Variants in MAP2K1 observed in about 807,000 individuals in gnomAD.
The protein encoded by MAP2K1 is mitogen-activated protein kinase kinase 1, also known as dual specificity mitogen-activated protein kinase kinase 1.
Under a neutral mutation model 46.3 loss-of-function variants are expected in MAP2K1, and 16 were observed. That is an observed-to-expected ratio of 0.35 (90% CI 0.23 to 0.52). The LOEUF (loss-of-function observed/expected upper bound fraction) is 0.52. MAP2K1 is among the 20% of genes least tolerant of loss of function. The pLI is 0.94. For synonymous variants in MAP2K1, 183 were observed against 185.6 expected, an observed-to-expected ratio of 0.99 and a Z score of 0.11; for missense variants, 263 against 497.1, an observed-to-expected ratio of 0.53 and a Z score of 4.48.
chr15:66,402,493 A>G (rs1319598445), intron 1 of MAP2K1, among the ~76,000 whole-genome samples: 1 of 152,062 alleles, frequency 6.6e-6, no homozygotes, highest in Non-Finnish European at 1.5e-5. Flanking sequence ...AGTCATATAT[A>G]TTTTTTAATT....
intron 1 of MAP2K1, among the ~76,000 whole-genome samples, chr15:66,432,809 T>A (rs999178256): frequency 1.3e-5 from 2 of 152,214 alleles, no homozygotes; most frequent in African/African-American, 4.8e-5. Context: ...TTAGTTCACC[T>A]GTCTGTGCTT....
At chr15:66,421,883 C>CTTT (rs35469194) in intron 1 of MAP2K1, among the ~76,000 whole-genome samples, 8 of 143,166 alleles carry the variant, frequency 5.6e-5, no homozygotes, top group African/African-American at 1.8e-4. Flanking sequence ...CCCTCTTTCT[C>CTTT]TTTTTTTTTT....
At chr15:66,479,889 T>A (rs933893218) in intron 5 of MAP2K1, among the ~76,000 whole-genome samples, 3 of 151,914 alleles carry the variant, frequency 2.0e-5, no homozygotes, top group Non-Finnish European at 2.9e-5. Context: ...GTCATGATTT[T>A]TTTTTATTAT....
At chr15:66,466,785 A>G (rs1039559674) in intron 5 of MAP2K1, among the ~76,000 whole-genome samples, 10 of 152,224 alleles carry the variant, frequency 6.6e-5, no homozygotes, top group African/African-American at 1.2e-4. Context: ...AAAAAAATAA[A>G]AAAGATTACT....
At chr15:66,420,042 G>A (rs10468037) in intron 1 of MAP2K1, among the ~76,000 whole-genome samples, 14,800 of 151,212 alleles carry the variant, frequency 0.098, 728 homozygotes, top group African/African-American at 0.13. Flanking sequence ...TCAGGAGTTC[G>A]AGACCACCCT....
intron 5 of MAP2K1, chr15:66,444,979 C>G: frequency 2.1e-6 from 1 of 479,996 alleles, no homozygotes; most frequent in East Asian, 3.9e-5. Flanking sequence ...ACTTAGTTAC[C>G]CAGTCTCCGG....
intron 1 of MAP2K1, among the ~76,000 whole-genome samples, chr15:66,412,023 T>TA (rs1213511796): frequency 1.2e-4 from 18 of 152,182 alleles, no homozygotes; most frequent in African/African-American, 4.3e-4. Flanking sequence ...TCCTTTTTGT[T>TA]AAGAATATAG....
At chr15:66,488,043 C>T (rs1170990340) in intron 8 of MAP2K1, among the ~76,000 whole-genome samples, 2 of 152,104 alleles carry the variant, frequency 1.3e-5, no homozygotes, top group African/African-American at 4.8e-5. Flanking sequence ...CCTTCCCACC[C>T]AGTGCTCTTT....
intron 5 of MAP2K1, among the ~76,000 whole-genome samples, chr15:66,452,039 A>C (rs60602008): frequency 1.1e-3 from 74 of 65,986 alleles, no homozygotes; most frequent in African/African-American, 4.0e-3. Flanking sequence ...TCGCAAGAAC[A>C]AAAAACCAAA....
chr15:66,488,342 C>T (rs190964080), intron 8 of MAP2K1, among the ~76,000 whole-genome samples: 76 of 152,308 alleles, frequency 5.0e-4, no homozygotes, highest in Non-Finnish European at 9.3e-4. Flanking sequence ...TGACATGGCC[C>T]TCAAAGGAAG....
At chr15:66,404,615 G>A (rs1341189652) in intron 1 of MAP2K1, among the ~76,000 whole-genome samples, 1 of 152,154 alleles carries the variant, frequency 6.6e-6, no homozygotes, top group African/African-American at 2.4e-5. Flanking sequence ...AAAGGAAGGC[G>A]TAACATTTAT....
rs750947705 is a variant in MAP2K1 at position 66,483,748 on chromosome 15, C to CTTTTTTTTT, written c.694-1233_694-1225dup. Among the ~76,000 whole-genome samples the CTTTTTTTTT allele has an allele frequency of 1.6e-4, 21 of 131,104 alleles. 2 individuals are homozygous for CTTTTTTTTT. Among genetic ancestry groups the CTTTTTTTTT allele is most frequent in the South Asian group, 2.5e-4 (1 of 4,038 alleles). 86.0% of individuals were successfully genotyped at this position (131,104 alleles called of 152,430 possible). On this transcript the variant is annotated intron_variant, in intron 6 of 10. Transcript: ENST00000307102. Reference sequence around the variant, plus strand: ...TTTTACAACATTTGACATACATTTTCTTTTTTTTTTTTTTTTTGAGACGGA... The same window carrying CTTTTTTTTT: ...TTTTACAACATTTGACATACATTTTCTTTTTTTTTTTTTTTTTTTTTTTTTTGAGACGGA...
intron 1 of MAP2K1, among the ~76,000 whole-genome samples, chr15:66,387,804 A>G (rs566707871): frequency 2.0e-5 from 3 of 152,284 alleles, no homozygotes; most frequent in South Asian, 2.1e-4. Context: ...AATGTTTTGG[A>G]AAGAATTAAG....
Position 66,491,089 on chromosome 15 carries a change from A to C in MAP2K1, c.*474A>C. 2.8e-6 allele frequency: 1 copy of C among 352,376 alleles called. No individual in the cohort carries two copies. The highest frequency in any genetic ancestry group is 4.5e-5 in the Admixed American group (1 of 22,010). 21.8% of individuals were successfully genotyped at this position (352,376 alleles called of 1,614,324 possible). A position where few individuals can be genotyped will look rare whatever the true frequency, so the allele number is the denominator to read the frequency against. Reference sequence around the variant, plus strand: ...TGTGAAGCATGCTTTGCTGCTATGAAAATGAGCATCAGAGAGTGTACATCA... The same window carrying C: ...TGTGAAGCATGCTTTGCTGCTATGACAATGAGCATCAGAGAGTGTACATCA... On this transcript the variant is annotated 3_prime_UTR_variant, in exon 11 of 11. Coordinates refer to ENST00000307102, the MANE Select transcript of MAP2K1 (RefSeq NM_002755.4).
intron 5 of MAP2K1, among the ~76,000 whole-genome samples, chr15:66,445,650 G>T (rs2140604464): frequency 1.3e-5 from 2 of 152,270 alleles, no homozygotes; most frequent in South Asian, 4.1e-4. Flanking sequence ...CAATAAAAAT[G>T]AAAAGACTAC....
intron 1 of MAP2K1, among the ~76,000 whole-genome samples, chr15:66,394,690 A>G (rs147321611): frequency 2.1e-3 from 318 of 152,150 alleles, no homozygotes; most frequent in African/African-American, 6.0e-3. Context: ...GCCTCATGCA[A>G]TCCTCCCTCC....
chr15:66,481,959 C>G, intron 6 of MAP2K1, 80 bp downstream of exon 6: 1 of 1,538,368 alleles, frequency 6.5e-7, no homozygotes, highest in Non-Finnish European at 8.9e-7. Flanking sequence ...CCTGTGGAGC[C>G]AGAGTCTTGT....
intron 1 of MAP2K1, among the ~76,000 whole-genome samples, chr15:66,416,000 C>G (rs916158360): frequency 2.6e-5 from 4 of 152,146 alleles, no homozygotes; most frequent in African/African-American, 9.7e-5. Context: ...TAGCTCCCCA[C>G]TCGCCTTCTA....
intron 5 of MAP2K1, among the ~76,000 whole-genome samples, chr15:66,481,221 C>G (rs983680514): frequency 4.6e-5 from 7 of 152,144 alleles, no homozygotes; most frequent in African/African-American, 1.7e-4. Context: ...ACTCAGCTCC[C>G]ACCCTGCCAC....
Sources: allele counts gnomAD v4.1 joint callset (sites outside exome capture counted in the v4.1 genomes callset), GRCh38; gene constraint gnomAD v4.1.1; transcripts MANE v1.5; gene names NCBI Gene and HGNC (gene_info 2026-07-23, HGNC 2026-07-21).